Variants in NPAS3 observed in about 807,000 individuals in gnomAD.
NPAS3 encodes neuronal PAS domain-containing protein 3.
A neutral mutation model predicts 73.1 loss-of-function variants in NPAS3; 14 were observed. The ratio of observed to expected loss-of-function variants is 0.19; its 90% CI spans 0.13 to 0.30. NPAS3 has a LOEUF of 0.30. Among genes scored for constraint, NPAS3 ranks in the 10% least tolerant of loss-of-function variants. NPAS3 has a pLI of 1.00. For synonymous variants in NPAS3, 620 were observed against 541.5 expected (o/e 1.14, Z -2.01); for missense variants, 1,096 against 1,250.0 (o/e 0.88, Z 1.86).
At chr14:33,496,650 C>A (rs1226116863) in intron 4 of NPAS3, among the ~76,000 whole-genome samples, 1 of 152,022 alleles carries the variant, frequency 6.6e-6, no homozygotes, top group Admixed American at 6.6e-5. Flanking sequence ...AAATTCAACA[C>A]CCTTCATGCT....
intron 1 of NPAS3, among the ~76,000 whole-genome samples, chr14:33,002,020 T>C (rs1411002749): frequency 2.0e-5 from 3 of 152,178 alleles, no homozygotes; most frequent in Non-Finnish European, 2.9e-5. Context: ...ATGTATTATT[T>C]TGTACATTTC....
At chr14:33,403,433 T>G (rs949209285) in intron 4 of NPAS3, among the ~76,000 whole-genome samples, 7 of 152,116 alleles carry the variant, frequency 4.6e-5, no homozygotes, top group Non-Finnish European at 1.0e-4. Flanking sequence ...GATTATAAAA[T>G]GTTTAGTGAG....
chr14:33,459,043 A>T (rs763718408), intron 4 of NPAS3, among the ~76,000 whole-genome samples: 1 of 152,226 alleles, frequency 6.6e-6, no homozygotes, highest in Non-Finnish European at 1.5e-5. Flanking sequence ...CAAGGGGTGG[A>T]TTATTCATGC....
intron 4 of NPAS3, among the ~76,000 whole-genome samples, chr14:33,378,784 A>C (rs763512994): frequency 7.2e-5 from 11 of 152,174 alleles, no homozygotes; most frequent in Non-Finnish European, 1.3e-4. Flanking sequence ...ATCAGGCAGA[A>C]TTTGTTTGGG....
chr14:32,998,084 C>A (rs1237588950), intron 1 of NPAS3, among the ~76,000 whole-genome samples: 2 of 152,170 alleles, frequency 1.3e-5, no homozygotes, highest in Non-Finnish European at 2.9e-5. Context: ...CATGCATGTT[C>A]ATAGCAGCAC....
intron 5 of NPAS3, among the ~76,000 whole-genome samples, chr14:33,650,815 A>C (rs1431131800): frequency 6.6e-6 from 1 of 152,100 alleles, no homozygotes; most frequent in Non-Finnish European, 1.5e-5. Flanking sequence ...CAGGAGCAGC[A>C]GCCTATCTCT....
At chr14:33,790,460 T>C (rs1331122972) in intron 9 of NPAS3, among the ~76,000 whole-genome samples, 1 of 152,160 alleles carries the variant, frequency 6.6e-6, no homozygotes, top group East Asian at 1.9e-4. Context: ...CTTTTCTTCT[T>C]GAGCTGATTA....
rs1333565628 is a variant in NPAS3 at position 33,509,318 on chromosome 14, A to G, written c.469-50803A>G. ...AAGAACAGAAGAGAATCTAAGCGCT[A>G]TAAAGGAGTTGAGCAAATATTTGAC... is the stretch of plus-strand genomic sequence containing the variant. On this transcript the variant is annotated intron_variant, in intron 4 of 11. Coordinates refer to ENST00000356141, the Ensembl canonical transcript of NPAS3. Among the ~76,000 whole-genome samples, 9 of 152,026 alleles carry G rather than the reference A, an allele frequency of 5.9e-5. 1 individual carries two copies. Among genetic ancestry groups the G allele is most frequent in the African/African-American group, 2.2e-4 (9 of 41,432 alleles).
intron 6 of NPAS3, among the ~76,000 whole-genome samples, chr14:33,725,165 A>C (rs2061229806): frequency 6.6e-6 from 1 of 152,194 alleles, no homozygotes; most frequent in Non-Finnish European, 1.5e-5. Flanking sequence ...CCTAATGTAA[A>C]TGACGAGTTA....
At chr14:33,596,529 G>T (rs1030841117) in intron 5 of NPAS3, among the ~76,000 whole-genome samples, 2 of 152,194 alleles carry the variant, frequency 1.3e-5, no homozygotes, top group African/African-American at 4.8e-5. Flanking sequence ...ACCTCAAGGT[G>T]CTGGTTTGCA....
chr14:33,341,552 G>A (rs895960699), intron 3 of NPAS3, among the ~76,000 whole-genome samples: 5 of 152,094 alleles, frequency 3.3e-5, no homozygotes, highest in Non-Finnish European at 4.4e-5. Flanking sequence ...AAAGGGATGC[G>A]GGAGGGAAGT....
intron 4 of NPAS3, among the ~76,000 whole-genome samples, chr14:33,505,892 C>G (rs1428550822): frequency 6.6e-6 from 1 of 151,982 alleles, no homozygotes; most frequent in Non-Finnish European, 1.5e-5. Context: ...TCCTCTGGCT[C>G]ACTGACCTTG....
chr14:33,322,362 A>G (rs2043488723), intron 3 of NPAS3, among the ~76,000 whole-genome samples: 1 of 152,120 alleles, frequency 6.6e-6, no homozygotes, highest in Non-Finnish European at 1.5e-5. Context: ...GTATTTTTTA[A>G]TCTATAAACT....
At chr14:33,622,285 G>A (rs531983182) in intron 5 of NPAS3, among the ~76,000 whole-genome samples, 25 of 151,790 alleles carry the variant, frequency 1.6e-4, no homozygotes, top group African/African-American at 4.6e-4. Context: ...GCGGATTTCC[G>A]TATAGCTAAC....
intron 4 of NPAS3, among the ~76,000 whole-genome samples, chr14:33,411,073 T>C (rs1412110228): frequency 2.6e-5 from 4 of 152,228 alleles, no homozygotes; most frequent in African/African-American, 4.8e-5. Flanking sequence ...CTGTCAACTG[T>C]AGCATGCATC....
At chr14:33,688,182 G>A (rs1402583657) in intron 6 of NPAS3, among the ~76,000 whole-genome samples, 7 of 152,160 alleles carry the variant, frequency 4.6e-5, no homozygotes, top group Non-Finnish European at 1.0e-4. Context: ...TCACCTAGGT[G>A]GTAAGCATAG....
chr14:33,611,745 A>G (rs540360158), intron 5 of NPAS3, among the ~76,000 whole-genome samples: 1 of 152,248 alleles, frequency 6.6e-6, no homozygotes, highest in Non-Finnish European at 1.5e-5. Context: ...TTCATCATCA[A>G]TGTTTTTTAG....
chr14:33,706,477 C>T (rs1446521214), intron 6 of NPAS3, among the ~76,000 whole-genome samples: 3 of 151,766 alleles, frequency 2.0e-5, no homozygotes, highest in African/African-American at 7.3e-5. Flanking sequence ...ACCATGCCTT[C>T]CCCCATAGAT....
intron 5 of NPAS3, among the ~76,000 whole-genome samples, chr14:33,637,757 C>G (rs367683221): frequency 1.3e-5 from 2 of 152,010 alleles, no homozygotes; most frequent in Non-Finnish European, 2.9e-5. Context: ...TTATTAAGCA[C>G]AAAACAAGGT....
Sources: gnomAD v4.1 joint callset for allele counts (sites outside exome capture counted in the v4.1 genomes callset) on GRCh38, gnomAD v4.1.1 for gene constraint, MANE v1.5 for transcripts, NCBI Gene and HGNC (gene_info 2026-07-23, HGNC 2026-07-21) for gene names.